CNN3: variants seen among roughly 807,000 people sequenced by gnomAD.
The protein encoded by CNN3 is calponin 3, also known as calponin-3.
CNN3 carries 11 observed loss-of-function variants against 39.0 expected under a neutral mutation model. That is an observed-to-expected ratio of 0.28 (90% CI 0.18 to 0.47). CNN3 has a LOEUF of 0.47. Ranked by LOEUF, CNN3 falls within the 20% of genes least tolerant of loss-of-function variation. The pLI, the probability that CNN3 is intolerant of heterozygous loss-of-function variation, is 0.99. For missense variants in CNN3, 266 were observed against 403.4 expected (o/e 0.66, Z 2.92); for synonymous variants, 101 against 138.3 (o/e 0.73, Z 1.89).
chr1:94,915,640 C>G (rs1050550622), intron 1 of CNN3, among the ~76,000 whole-genome samples: 1 of 152,138 alleles, frequency 6.6e-6, no homozygotes, highest in African/African-American at 2.4e-5. Flanking sequence ...CTACAGACAA[C>G]CAGGCTCTAA....
intron 1 of CNN3, among the ~76,000 whole-genome samples, chr1:94,920,596 G>A (rs1241624828): frequency 2.0e-5 from 3 of 152,054 alleles, no homozygotes; most frequent in Non-Finnish European, 2.9e-5. Flanking sequence ...AAAGATGAGT[G>A]TTATGATATC....
chr1:94,902,587 A>G (rs1670896272), intron 3 of CNN3, among the ~76,000 whole-genome samples: 1 of 152,240 alleles, frequency 6.6e-6, no homozygotes, highest in Admixed American at 6.5e-5. Flanking sequence ...CAAAAGGTGT[A>G]TAATTACTCA....
At chr1:94,906,027 G>C (rs1670990829) in intron 1 of CNN3, among the ~76,000 whole-genome samples, 1 of 151,998 alleles carries the variant, frequency 6.6e-6, no homozygotes, top group Admixed American at 6.6e-5. Flanking sequence ...CTGTCACCCA[G>C]GCTGGAGTGC....
chr1:94,926,354 G>A lies in CNN3; in HGVS notation c.57+484C>T, dbSNP rs1044922243. Among the ~76,000 whole-genome samples, 2 of 152,138 alleles carry A rather than the reference G, an allele frequency of 1.3e-5. No homozygotes were observed. Among genetic ancestry groups the A allele is most frequent in the African/African-American group, 4.8e-5 (2 of 41,446 alleles). On this transcript the variant is annotated intron_variant, in intron 1 of 6. Coordinates refer to ENST00000370206, the MANE Select transcript of CNN3 (RefSeq NM_001839.5). The surrounding 1 kb of genome is among the most constrained non-coding windows in gnomAD (Gnocchi z 4.2). ...GGCCCCTGGGGTCGGCGGGACATTA[G>A]GCGGTCTCTCTCCCCGTGGGGAGGC...
intron 1 of CNN3, among the ~76,000 whole-genome samples, chr1:94,913,894 G>A (rs898395623): frequency 7.2e-5 from 11 of 152,186 alleles, no homozygotes; most frequent in Admixed American, 5.2e-4. Context: ...GGCAGGAAGA[G>A]ATGACCTCCA....
intron 1 of CNN3, among the ~76,000 whole-genome samples, chr1:94,908,464 G>C (rs1172442981): frequency 6.6e-6 from 1 of 152,212 alleles, no homozygotes; most frequent in Non-Finnish European, 1.5e-5. Flanking sequence ...ATGCAGATCA[G>C]TCCTTTCTTG....
At chr1:94,903,604 A>G in intron 1 of CNN3, 80 bp from the exon 2 acceptor site, 1 of 1,573,966 alleles carries the variant, frequency 6.4e-7, no homozygotes, top group Middle Eastern at 1.7e-4. Context: ...CTCTGCTTTC[A>G]CTAGCCATTA....
intron 1 of CNN3, chr1:94,925,854 C>T: frequency 1.0e-6 from 1 of 982,266 alleles, no homozygotes; most frequent in Non-Finnish European, 1.2e-6. Flanking sequence ...GTGCACAGTT[C>T]CGCGCCGATT....
At chr1:94,923,630 TTAAAG>T (rs1392236372) in intron 1 of CNN3, among the ~76,000 whole-genome samples, 3 of 152,210 alleles carry the variant, frequency 2.0e-5, no homozygotes, top group Admixed American at 6.5e-5. Flanking sequence ...ATTTTACTGA[TTAAAG>T]TATTTAAAAT....
rs939555004 is a variant in CNN3, at chr1:94,907,656, C to G, written c.58-4132G>C. Among the ~76,000 whole-genome samples, 37 of 152,144 alleles carry G rather than the reference C, an allele frequency of 2.4e-4. 1 individual carries two copies. Among genetic ancestry groups the G allele is most frequent in the Admixed American group, 2.2e-3 (34 of 15,278 alleles). On this transcript the variant is annotated intron_variant, in intron 1 of 6. Transcript: ENST00000370206. ...TGGGCAGATCGTGAGGTCAGGAGATCAAGACCATCCTGGCTAACACGGTGA... is the reference window on the plus strand; with the variant it reads ...TGGGCAGATCGTGAGGTCAGGAGATGAAGACCATCCTGGCTAACACGGTGA...
intron 1 of CNN3, among the ~76,000 whole-genome samples, chr1:94,917,320 G>C (rs1272295895): frequency 6.6e-6 from 1 of 152,186 alleles, no homozygotes; most frequent in African/African-American, 2.4e-5. Context: ...TTACAGGCGT[G>C]AGCCACTGTG....
intron 1 of CNN3, among the ~76,000 whole-genome samples, chr1:94,921,320 G>C (rs1671436874): frequency 6.6e-6 from 1 of 152,128 alleles, no homozygotes; most frequent in South Asian, 2.1e-4. Context: ...GCTTGAACCT[G>C]GGAGGTGGAG....
intron 1 of CNN3, among the ~76,000 whole-genome samples, chr1:94,908,127 C>A (rs903742468): frequency 6.6e-6 from 1 of 152,172 alleles, no homozygotes; most frequent in Non-Finnish European, 1.5e-5. Flanking sequence ...GAGGAGAATA[C>A]TGTCTAGGCA....
chr1:94,915,149 T>C (rs75151873), intron 1 of CNN3, among the ~76,000 whole-genome samples: 15,353 of 152,230 alleles, frequency 0.1, 1,336 homozygotes, highest in East Asian at 0.39. Context: ...TGAAATACCA[T>C]ACAAAGGTAT....
At chr1:94,915,446 T>C (rs956608866) in intron 1 of CNN3, among the ~76,000 whole-genome samples, 2 of 152,184 alleles carry the variant, frequency 1.3e-5, no homozygotes, top group Non-Finnish European at 2.9e-5. Context: ...AAGGATCTTA[T>C]GATGAAGTCA....
intron 1 of CNN3, among the ~76,000 whole-genome samples, chr1:94,922,416 A>T (rs1379000341): frequency 6.6e-6 from 1 of 152,218 alleles, no homozygotes; most frequent in Non-Finnish European, 1.5e-5. Context: ...CAAATATTCA[A>T]ATATTTATTG....
At chr1:94,904,949 G>A (rs150839091) in intron 1 of CNN3, among the ~76,000 whole-genome samples, 1 of 152,284 alleles carries the variant, frequency 6.6e-6, no homozygotes, top group Non-Finnish European at 1.5e-5. Context: ...GACATAGGGA[G>A]GTTTAATCAT....
rs1207652924 is a variant in CNN3, at chr1:94,902,274, G to C, written c.247-16C>G. On this transcript the variant is annotated splice_polypyrimidine_tract_variant and intron_variant, in intron 3 of 6. Transcript: ENST00000370206. ...TATTCTCCAACTATAAAGAAGAAGAGTTTTATAATTTCTGGAGCTAAATAT... is the reference window on the plus strand; with the variant it reads ...TATTCTCCAACTATAAAGAAGAAGACTTTTATAATTTCTGGAGCTAAATAT... 1 of 1,597,130 alleles carries C rather than the reference G, an allele frequency of 6.3e-7. No individual in the cohort carries two copies. Among genetic ancestry groups the C allele is most frequent in the Non-Finnish European group, 8.6e-7 (1 of 1,169,404 alleles).
At chr1:94,907,792 G>GGA (rs1671047199) in intron 1 of CNN3, among the ~76,000 whole-genome samples, 2 of 152,186 alleles carry the variant, frequency 1.3e-5, no homozygotes, top group South Asian at 4.1e-4. Context: ...CCCGGGAGGC[G>GGA]GGGCTTGCAG....
Sources: allele counts gnomAD v4.1 joint callset (sites outside exome capture counted in the v4.1 genomes callset), GRCh38; gene constraint gnomAD v4.1.1; non-coding constraint Gnocchi (gnomAD v3.1); transcripts MANE v1.5; gene names NCBI Gene and HGNC (gene_info 2026-07-23, HGNC 2026-07-21).